Variants in CCSER1 observed in about 807,000 individuals in gnomAD.
CCSER1 encodes the protein coiled-coil serine rich protein 1, also known as serine-rich coiled-coil domain-containing protein 1.
In CCSER1, 41 loss-of-function variants were observed where a neutral mutation model predicts 82.0. The ratio of observed to expected loss-of-function variants is 0.50; its 90% confidence interval spans 0.39 to 0.65. CCSER1 has a LOEUF of 0.65. CCSER1 is among the 30% of genes least tolerant of loss of function. The pLI is 0.00. For missense variants in CCSER1, 1,119 were observed against 1,064.2 expected, an observed-to-expected ratio of 1.05 and a Z score of -0.72; for synonymous variants, 414 against 383.9, an observed-to-expected ratio of 1.08 and a Z score of -0.92.
intron 3 of CCSER1, among the ~76,000 whole-genome samples, chr4:90,341,295 T>C (rs1264059960): frequency 6.6e-6 from 1 of 152,086 alleles, no homozygotes; most frequent in African/African-American, 2.4e-5. Flanking sequence ...GAGAGTTTTA[T>C]TATCTTCTTC....
intron 6 of CCSER1, among the ~76,000 whole-genome samples, chr4:90,664,491 A>G (rs1055284465): frequency 6.6e-6 from 1 of 152,182 alleles, no homozygotes; most frequent in Non-Finnish European, 1.5e-5. Flanking sequence ...GTATTTTTCT[A>G]CCTTAACATA....
At chr4:90,441,171 TC>T (rs2153572714) in intron 4 of CCSER1, among the ~76,000 whole-genome samples, 1 of 152,236 alleles carries the variant, frequency 6.6e-6, no homozygotes, top group East Asian at 1.9e-4. Flanking sequence ...TTTGGCGGCT[TC>T]CTCACGCAAG....
chr4:91,092,575 G>A (rs1236096884), intron 10 of CCSER1, among the ~76,000 whole-genome samples: 1 of 152,194 alleles, frequency 6.6e-6, no homozygotes, highest in Non-Finnish European at 1.5e-5. Context: ...GCTGGCAAGT[G>A]TGAGATGTAG....
chr4:91,495,703 T>G (rs1758765986), intron 10 of CCSER1, among the ~76,000 whole-genome samples: 1 of 151,588 alleles, frequency 6.6e-6, no homozygotes, highest in South Asian at 2.1e-4. Flanking sequence ...ACATATTGTC[T>G]GATTTTGTGT....
intron 1 of CCSER1, among the ~76,000 whole-genome samples, chr4:90,174,243 A>C (rs964831543): frequency 6.6e-6 from 1 of 151,970 alleles, no homozygotes; most frequent in Non-Finnish European, 1.5e-5. Context: ...TGTATATACC[A>C]GGAGTTTACA....
At chr4:90,775,091 A>G (rs1752721400) in intron 7 of CCSER1, among the ~76,000 whole-genome samples, 1 of 152,166 alleles carries the variant, frequency 6.6e-6, no homozygotes, top group African/African-American at 2.4e-5. Context: ...AACAAAGGAA[A>G]AAAATGATTC....
intron 10 of CCSER1, among the ~76,000 whole-genome samples, chr4:91,287,255 G>GA (rs1251070592): frequency 1.3e-5 from 2 of 151,764 alleles, no homozygotes; most frequent in Admixed American, 6.6e-5. Flanking sequence ...CTCAAAGTCA[G>GA]AAAAAATAGT....
intron 10 of CCSER1, among the ~76,000 whole-genome samples, chr4:91,380,481 G>T (rs2149336665): frequency 6.6e-6 from 1 of 152,260 alleles, no homozygotes; most frequent in South Asian, 2.1e-4. Context: ...TTGTTGAATT[G>T]ATCCCTTTAC....
intron 7 of CCSER1, among the ~76,000 whole-genome samples, chr4:90,755,356 C>T (rs1204784274): frequency 6.6e-6 from 1 of 152,142 alleles, no homozygotes; most frequent in African/African-American, 2.4e-5. Context: ...ATTACAGCTC[C>T]CACTCTCATA....
intron 10 of CCSER1, among the ~76,000 whole-genome samples, chr4:91,116,918 G>T (rs895067663): frequency 6.6e-6 from 1 of 152,080 alleles, no homozygotes; most frequent in Non-Finnish European, 1.5e-5. Context: ...TTTTTTAAAT[G>T]TTCATCATAT....
At chr4:90,399,379 A>G (rs2153543831) in intron 3 of CCSER1, among the ~76,000 whole-genome samples, 1 of 152,260 alleles carries the variant, frequency 6.6e-6, no homozygotes, top group East Asian at 1.9e-4. Context: ...TCGAATTAAT[A>G]TAGATTGTTT....
intron 10 of CCSER1, among the ~76,000 whole-genome samples, chr4:91,431,521 G>A (rs1754317576): frequency 6.6e-6 from 1 of 152,072 alleles, no homozygotes; most frequent in African/African-American, 2.4e-5. Flanking sequence ...GGGCTGGAGT[G>A]CAATGGTGCG....
At chr4:90,165,703 G>C (rs1730330483) in intron 1 of CCSER1, among the ~76,000 whole-genome samples, 1 of 152,032 alleles carries the variant, frequency 6.6e-6, no homozygotes, top group Non-Finnish European at 1.5e-5. Context: ...TAAGAAGGAA[G>C]CATAGGACAA....
At chr4:91,292,448 A>G (rs1458885575) in intron 10 of CCSER1, among the ~76,000 whole-genome samples, 1 of 151,948 alleles carries the variant, frequency 6.6e-6, no homozygotes, top group African/African-American at 2.4e-5. Context: ...ACGCTAGATT[A>G]CTCAGACAAC....
chr4:90,873,598 A>T (rs1015936643), intron 8 of CCSER1, among the ~76,000 whole-genome samples: 1 of 152,114 alleles, frequency 6.6e-6, no homozygotes, highest in East Asian at 1.9e-4. Context: ...ATTATTTTTT[A>T]TCTTATGAGG....
chr4:91,347,509 C>T (rs1748140200), intron 10 of CCSER1, among the ~76,000 whole-genome samples: 1 of 151,736 alleles, frequency 6.6e-6, no homozygotes, highest in South Asian at 2.1e-4. Flanking sequence ...CACAAAATGA[C>T]TCACTGAGAT....
At chr4:90,150,509 C>T (rs974740189) in intron 1 of CCSER1, among the ~76,000 whole-genome samples, 2 of 151,962 alleles carry the variant, frequency 1.3e-5, no homozygotes, top group African/African-American at 2.4e-5. Context: ...GTGTAGAAAA[C>T]GCACCTTTTG....
At chr4:91,049,119 T>A (rs996036745) in intron 9 of CCSER1, among the ~76,000 whole-genome samples, 8 of 152,154 alleles carry the variant, frequency 5.3e-5, no homozygotes, top group Non-Finnish European at 8.8e-5. Context: ...GTGACTGTAA[T>A]TAATATTTAT....
chr4:90,658,245 A>G (rs1730091691), intron 6 of CCSER1, among the ~76,000 whole-genome samples: 1 of 152,158 alleles, frequency 6.6e-6, no homozygotes, highest in Non-Finnish European at 1.5e-5. Flanking sequence ...TAATTAAATA[A>G]TAGGAGTAAT....
Sources: allele counts gnomAD v4.1 joint callset (sites outside exome capture counted in the v4.1 genomes callset), GRCh38; gene constraint gnomAD v4.1.1; transcripts MANE v1.5; gene names NCBI Gene and HGNC (gene_info 2026-07-23, HGNC 2026-07-21).